PPP1R1C: variants seen among roughly 807,000 people sequenced by gnomAD.
The protein encoded by PPP1R1C is protein phosphatase 1 regulatory subunit 1C.
In PPP1R1C, 15 loss-of-function variants were observed where a neutral mutation model predicts 17.4. The observed-to-expected ratio is 0.86, with a 90% CI of 0.58 to 1.33. The LOEUF (loss-of-function observed/expected upper bound fraction) is 1.33. PPP1R1C is among the 40% of genes most tolerant of loss of function. The pLI, the probability that PPP1R1C is intolerant of heterozygous loss-of-function variation, is 0.00. For missense variants in PPP1R1C, 143 were observed against 130.0 expected (o/e 1.10, Z -0.48); for synonymous variants, 35 against 43.1 (o/e 0.81, Z 0.73).
chr2:181,968,439 T>C (rs1465489893), intron 1 of PPP1R1C, among the ~76,000 whole-genome samples: 1 of 152,128 alleles, frequency 6.6e-6, no homozygotes, highest in Non-Finnish European at 1.5e-5. Flanking sequence ...TCTTTTTCAT[T>C]ATATAATGAC....
At chr2:182,024,069 A>G (rs1190458420) in intron 2 of PPP1R1C, among the ~76,000 whole-genome samples, 5 of 152,234 alleles carry the variant, frequency 3.3e-5, no homozygotes, top group African/African-American at 1.2e-4. Flanking sequence ...CCCAACATAT[A>G]TTTAAACCAG....
chr2:182,025,298 G>A (rs868589375), intron 2 of PPP1R1C, among the ~76,000 whole-genome samples: 6 of 143,428 alleles, frequency 4.2e-5, no homozygotes, highest in South Asian at 2.2e-4. Flanking sequence ...ATGCTGGTGC[G>A]CTGCACCCAC....
intron 5 of PPP1R1C, among the ~76,000 whole-genome samples, chr2:182,124,352 T>TTTTTTTTTTTTTTG (rs1689821423): frequency 7.0e-6 from 1 of 143,362 alleles, no homozygotes; most frequent in East Asian, 2.0e-4. Context: ...TTTTTTTTTT[T>TTTTTTTTTTTTTTG]GCTTAGGATT....
At chr2:182,015,143 C>A (rs1296675566) in intron 2 of PPP1R1C, among the ~76,000 whole-genome samples, 2 of 152,128 alleles carry the variant, frequency 1.3e-5, no homozygotes, top group Admixed American at 1.3e-4. Flanking sequence ...GGCTGTATCC[C>A]CACCCAAATC....
chr2:182,071,522 G>C (rs975861634), intron 4 of PPP1R1C, among the ~76,000 whole-genome samples: 21 of 152,144 alleles, frequency 1.4e-4, no homozygotes, highest in African/African-American at 5.1e-4. Flanking sequence ...ATTCTTCACT[G>C]TAAAGTTATC....
At chr2:182,129,918 C>G (rs1386910429) in exon 6 of PPP1R1C, 1 of 152,114 alleles carries the variant, frequency 6.6e-6, no homozygotes, top group African/African-American at 2.4e-5. Flanking sequence ...CTGAGTTCTA[C>G]TTTAATTCTT....
intron 2 of PPP1R1C, among the ~76,000 whole-genome samples, chr2:181,999,460 T>C (rs559027059): frequency 2.0e-5 from 3 of 152,310 alleles, no homozygotes; most frequent in African/African-American, 4.8e-5. Flanking sequence ...AATGTACATA[T>C]AGATTGTGTA....
chr2:182,036,856 C>G (rs897171758), intron 2 of PPP1R1C, among the ~76,000 whole-genome samples: 1 of 152,254 alleles, frequency 6.6e-6, no homozygotes, highest in East Asian at 1.9e-4. Flanking sequence ...AAGGTGAACT[C>G]ACTAGAAGCC....
chr2:181,971,606 C>G (rs1009137390), intron 1 of PPP1R1C, among the ~76,000 whole-genome samples: 1 of 152,152 alleles, frequency 6.6e-6, no homozygotes, highest in Non-Finnish European at 1.5e-5. Flanking sequence ...TGCAAGTCCC[C>G]TCACTCCACA....
intron 2 of PPP1R1C, among the ~76,000 whole-genome samples, chr2:182,038,014 T>A (rs115061100): frequency 0.038 from 5,803 of 152,028 alleles, 372 homozygotes; most frequent in African/African-American, 0.13. Context: ...TTCAGGCAAT[T>A]TCTATTTATA....
chr2:182,038,894 G>A (rs1478204112), intron 2 of PPP1R1C, among the ~76,000 whole-genome samples: 1 of 152,162 alleles, frequency 6.6e-6, no homozygotes. Flanking sequence ...GCTTAGAATA[G>A]AAAATAATTT....
intron 4 of PPP1R1C, among the ~76,000 whole-genome samples, chr2:182,091,301 A>T (rs1047033699): frequency 5.3e-5 from 8 of 152,292 alleles, no homozygotes; most frequent in Non-Finnish European, 1.0e-4. Flanking sequence ...AAAGACTGAA[A>T]TATGATGAAA....
chr2:182,022,305 G>C (rs1490695409), intron 2 of PPP1R1C, among the ~76,000 whole-genome samples: 2 of 152,126 alleles, frequency 1.3e-5, no homozygotes, highest in Non-Finnish European at 1.5e-5. Context: ...AGGCTCTGGG[G>C]GGAAATCAGA....
chr2:181,965,696 G>T (rs1231679492), intron 1 of PPP1R1C, among the ~76,000 whole-genome samples: 2 of 152,076 alleles, frequency 1.3e-5, no homozygotes, highest in African/African-American at 2.4e-5. Flanking sequence ...TGCTGTTTTG[G>T]TTACTACAGC....
intron 4 of PPP1R1C, among the ~76,000 whole-genome samples, chr2:182,079,445 A>G (rs1688408590): frequency 6.6e-6 from 1 of 152,178 alleles, no homozygotes; most frequent in South Asian, 2.1e-4. Flanking sequence ...TCAGGTAATA[A>G]AAAATAATAG....
intron 4 of PPP1R1C, among the ~76,000 whole-genome samples, chr2:182,112,750 C>T (rs1443488991): frequency 6.6e-6 from 1 of 151,972 alleles, no homozygotes; most frequent in Non-Finnish European, 1.5e-5. Flanking sequence ...GACCTCCTTC[C>T]CTGAAAAAGC....
At chr2:182,090,841 T>C (rs559308693) in intron 4 of PPP1R1C, among the ~76,000 whole-genome samples, 11 of 152,324 alleles carry the variant, frequency 7.2e-5, no homozygotes, top group African/African-American at 2.6e-4. Context: ...TTTACACATG[T>C]ACAGTCTTCA....
At chr2:182,084,439 T>C (rs984250788) in intron 4 of PPP1R1C, among the ~76,000 whole-genome samples, 7 of 152,290 alleles carry the variant, frequency 4.6e-5, no homozygotes, top group African/African-American at 1.7e-4. Context: ...GAGTTGATTT[T>C]TGTATGTGGT....
At chr2:182,076,067 A>G (rs953430041) in intron 4 of PPP1R1C, among the ~76,000 whole-genome samples, 1 of 151,390 alleles carries the variant, frequency 6.6e-6, no homozygotes, top group Non-Finnish European at 1.5e-5. Flanking sequence ...CCCACAGCTT[A>G]TTATGTTGAT....
Sources: gnomAD v4.1 joint callset for allele counts (sites outside exome capture counted in the v4.1 genomes callset) on GRCh38, gnomAD v4.1.1 for gene constraint, MANE v1.5 for transcripts, NCBI Gene and HGNC (gene_info 2026-07-23, HGNC 2026-07-21) for gene names.